Variants in BICD1 observed in about 807,000 individuals in gnomAD.
The protein encoded by BICD1 is protein bicaudal D homolog 1.
In BICD1, 35 loss-of-function variants were observed where a neutral mutation model predicts 92.5. That is an observed-to-expected ratio of 0.38 (90% CI 0.29 to 0.50). The LOEUF (loss-of-function observed/expected upper bound fraction) is 0.50. BICD1 is among the 20% of genes least tolerant of loss of function. The probability of loss-of-function intolerance (pLI) is 0.93; values close to 1 mark genes in which losing one functional copy is unlikely to be tolerated. For missense variants in BICD1, 950 were observed against 1,189.8 expected (o/e 0.80, Z 2.97); for synonymous variants, 429 against 465.1 (o/e 0.92, Z 1.00).
chr12:32,228,228 A>G (rs979122145), intron 2 of BICD1: 3 of 153,028 alleles, frequency 2.0e-5, no homozygotes, highest in Admixed American at 6.5e-5. Context: ...GAGTTGGTTT[A>G]GATTGAGGTT....
At chr12:32,195,331 G>A (rs752073179) in intron 1 of BICD1, among the ~76,000 whole-genome samples, 3 of 152,162 alleles carry the variant, frequency 2.0e-5, no homozygotes, top group Non-Finnish European at 4.4e-5. Context: ...GAAGGACAAA[G>A]CTGGAGGAAC....
chr12:32,250,593 CT>C (rs1946499177), intron 2 of BICD1, among the ~76,000 whole-genome samples: 1 of 152,112 alleles, frequency 6.6e-6, no homozygotes, highest in Non-Finnish European at 1.5e-5. Context: ...ATTTTTGCCT[CT>C]CATTAGGTAT....
At chr12:32,260,264 G>A (rs973632532) in intron 2 of BICD1, among the ~76,000 whole-genome samples, 1 of 152,096 alleles carries the variant, frequency 6.6e-6, no homozygotes, top group African/African-American at 2.4e-5. Context: ...GGTTGCCAAC[G>A]TTTAAAAATT....
intron 2 of BICD1, among the ~76,000 whole-genome samples, chr12:32,254,054 A>G (rs1229321297): frequency 1.7e-5 from 1 of 59,844 alleles, no homozygotes; most frequent in East Asian, 3.2e-4. Context: ...TGCCGTATTC[A>G]CTGCCGAATC....
chr12:32,355,128 A>G (rs965390241), intron 8 of BICD1, among the ~76,000 whole-genome samples: 2 of 152,222 alleles, frequency 1.3e-5, no homozygotes, highest in Non-Finnish European at 2.9e-5. Flanking sequence ...CAAGACTTAT[A>G]TATTAAAGTC....
rs1401761768 is a variant in BICD1, at chr12:32,117,756, A to ATT, written c.213+10213_213+10214insTT. ...CACACATATATATATATATATATATATATTTTTTTTTAAGACCATATTTCG... is the reference window on the plus strand; with the variant it reads ...CACACATATATATATATATATATATATTTATTTTTTTTTAAGACCATATTTCG... On this transcript the variant is annotated intron_variant, in intron 1 of 9. Transcript: ENST00000652176. Among the ~76,000 whole-genome samples the ATT allele has an allele frequency of 6.2e-3, 675 of 108,260 alleles. 6 individuals are homozygous for ATT. Among genetic ancestry groups the ATT allele is most frequent in the African/African-American group, 0.017 (519 of 31,186 alleles). The allele number at this position is 108,260 out of a possible 152,430, so 71.0% of individuals were successfully genotyped here.
At chr12:32,354,331 G>GA (rs1308187634) in intron 8 of BICD1, among the ~76,000 whole-genome samples, 13 of 152,144 alleles carry the variant, frequency 8.5e-5, no homozygotes, top group Non-Finnish European at 1.5e-4. Flanking sequence ...GAAGTGTGAT[G>GA]AACTATATGC....
chr12:32,115,614 T>C (rs1941863589), intron 1 of BICD1, among the ~76,000 whole-genome samples: 1 of 151,896 alleles, frequency 6.6e-6, no homozygotes, highest in African/African-American at 2.4e-5. Context: ...GTGGTGAAAA[T>C]GGTACCCTGA....
intron 1 of BICD1, among the ~76,000 whole-genome samples, chr12:32,143,362 A>G (rs573969474): frequency 1.3e-5 from 2 of 152,160 alleles, no homozygotes; most frequent in Non-Finnish European, 2.9e-5. Context: ...TTATAGTTTT[A>G]TCACACATAA....
chr12:32,155,625 C>G (rs1241298910), intron 1 of BICD1, among the ~76,000 whole-genome samples: 1 of 152,090 alleles, frequency 6.6e-6, no homozygotes, highest in East Asian at 1.9e-4. Context: ...AATAGCAAAG[C>G]AGCTGCACCT....
At chr12:32,303,784 A>T (rs12317439) in intron 3 of BICD1, among the ~76,000 whole-genome samples, 1 of 151,940 alleles carries the variant, frequency 6.6e-6, no homozygotes, top group East Asian at 1.9e-4. Flanking sequence ...ACATAAGAGA[A>T]AAACCTCTGG....
At chr12:32,370,470 A>AT (rs5797475) in intron 9 of BICD1, among the ~76,000 whole-genome samples, 77,255 of 151,984 alleles carry the variant, frequency 0.51, 20,715 homozygotes, top group East Asian at 0.73. Context: ...GGTTAAGAAC[A>AT]GGGCTCTTCA....
At chr12:32,324,352 TCAAAAAAAAAA>T (rs1948724815) in intron 4 of BICD1, among the ~76,000 whole-genome samples, 1 of 95,346 alleles carries the variant, frequency 1.0e-5, no homozygotes, top group African/African-American at 4.3e-5. Context: ...AGACTCCATC[TCAAAAAAAAAA>T]CAAAAAAAAA....
intron 4 of BICD1, among the ~76,000 whole-genome samples, chr12:32,315,600 G>T (rs1948476117): frequency 6.6e-6 from 1 of 152,066 alleles, no homozygotes; most frequent in African/African-American, 2.4e-5. Flanking sequence ...CAGAAACAGG[G>T]GCTGTTTATC....
chr12:32,336,035 C>A (rs1210019786), intron 6 of BICD1, among the ~76,000 whole-genome samples: 6 of 152,118 alleles, frequency 3.9e-5, no homozygotes, highest in Non-Finnish European at 8.8e-5. Context: ...ATCTCTTGAG[C>A]TTTATAGGAG....
At position 32,360,243 on chromosome 12, in the gene BICD1, G is replaced by A. The variant is rs117676411; in HGVS notation, c.2765-7427G>A. Among the ~76,000 whole-genome samples the A allele has an allele frequency of 2.7e-3, 412 of 152,076 alleles. 1 individual carries two copies. The highest frequency in any genetic ancestry group is 0.019 in the East Asian group (100 of 5,186). ...AGGAAAGGAAAAGAAGAAAGCACAC[G>A]TCCCTTTTTTTCTCACTTGTTGAAG... On this transcript the variant is annotated intron_variant, in intron 8 of 9. Transcript: ENST00000652176.
chr12:32,108,975 G>A, intron 1 of BICD1: 1 of 312,936 alleles, frequency 3.2e-6, no homozygotes, highest in East Asian at 5.5e-5. Context: ...GATGATGACT[G>A]TCATTCTCAG....
rs2136150943 is a variant in BICD1 at position 32,273,292 on chromosome 12, G to A, written c.427-20702G>A. On this transcript the variant is annotated intron_variant, in intron 2 of 9. Transcript: ENST00000652176. The stretch of plus-strand genomic sequence containing the variant: ...TTTGTTTGCTTTTACTGAAATTGGA[G>A]TAGTGACACAGAGTCAGATCATTGA... 1.3e-5 allele frequency among the ~76,000 whole-genome samples: 2 copies of A among 152,300 alleles called. 1 individual carries two copies. The highest frequency in any genetic ancestry group is 4.1e-4 in the South Asian group (2 of 4,826).
chr12:32,328,122 G>C lies in BICD1; in HGVS notation c.1667G>C (p.Arg556Thr). Residue 556 changes from arginine (R) to threonine (T), a missense_variant, in exon 5 of 10, where the codon AGA (arginine) becomes ACA (threonine). Coordinates refer to ENST00000652176, the MANE Select transcript of BICD1 (RefSeq NM_001714.4). This position sits in a 1 kb window ranked among gnomAD's most constrained non-coding sequence, Gnocchi z 4.4. ...SGSLKGPDDP[R>T]GLLSPRLARR... ...AGCCTGAAAGGGCCCGATGATCCCA[G>C]AGGACTTTTGTCCCCACGATTAGCC... 7 of 1,614,152 alleles carry C rather than the reference G, an allele frequency of 4.3e-6. No homozygotes were observed. Among genetic ancestry groups the C allele is most frequent in the Non-Finnish European group, 5.1e-6 (6 of 1,180,018 alleles).
Sources: gnomAD v4.1 joint callset for allele counts (sites outside exome capture counted in the v4.1 genomes callset) on GRCh38, gnomAD v4.1.1 for gene constraint, Gnocchi (gnomAD v3.1) non-coding constraint, MANE v1.5 for transcripts, NCBI Gene and HGNC (gene_info 2026-07-23, HGNC 2026-07-21) for gene names.